SLC13A3: variants seen among roughly 807,000 people sequenced by gnomAD.
The protein encoded by SLC13A3 is solute carrier family 13 member 3.
Under a neutral mutation model 59.0 loss-of-function variants are expected in SLC13A3, and 40 were observed. That is an observed-to-expected ratio of 0.68 (90% CI 0.53 to 0.88). The LOEUF is 0.88. Among genes scored for constraint, SLC13A3 ranks in the 40% least tolerant of loss-of-function variants. SLC13A3 has a pLI of 0.00. For missense variants in SLC13A3, 699 were observed against 783.2 expected (o/e 0.89, Z 1.28); for synonymous variants, 317 against 330.3 (o/e 0.96, Z 0.44).
intron 2 of SLC13A3, among the ~76,000 whole-genome samples, chr20:46,611,644 T>C (rs1364192061): frequency 6.6e-6 from 1 of 152,108 alleles, no homozygotes; most frequent in Non-Finnish European, 1.5e-5. Context: ...CTCAAATCTA[T>C]CCAATCTGTT....
chr20:46,663,257 A>G (rs1223678852), intron 1 of SLC13A3, among the ~76,000 whole-genome samples: 3 of 152,174 alleles, frequency 2.0e-5, no homozygotes, highest in Non-Finnish European at 4.4e-5. Context: ...CAGCCTGGGC[A>G]ACATAGTGAG....
chr20:46,640,245 G>C (rs909536635), intron 1 of SLC13A3, among the ~76,000 whole-genome samples: 17 of 152,270 alleles, frequency 1.1e-4, no homozygotes, highest in African/African-American at 4.1e-4. Context: ...TTCTTGTAGG[G>C]GAGCTGAGTA....
intron 3 of SLC13A3, among the ~76,000 whole-genome samples, chr20:46,600,435 GAAGGAAGGA>G (rs879291545): frequency 2.1e-4 from 31 of 150,488 alleles, no homozygotes; most frequent in Admixed American, 1.1e-3. Context: ...AGGAAGGAAG[GAAGGAAGGA>G]AAAGGAAAGG....
At chr20:46,659,100 C>T (rs185557820) in intron 1 of SLC13A3, among the ~76,000 whole-genome samples, 1 of 152,128 alleles carries the variant, frequency 6.6e-6, no homozygotes, top group East Asian at 1.9e-4. Flanking sequence ...GCTTTTTTAT[C>T]TAGTCTAACA....
intron 1 of SLC13A3, among the ~76,000 whole-genome samples, chr20:46,631,508 AG>A (rs891584672): frequency 3.3e-5 from 5 of 152,166 alleles, no homozygotes; most frequent in African/African-American, 1.2e-4. Flanking sequence ...AGTTGGGAGC[AG>A]GGCTGCCATG....
chr20:46,650,033 C>T (rs2062936800), intron 1 of SLC13A3, among the ~76,000 whole-genome samples: 1 of 152,158 alleles, frequency 6.6e-6, no homozygotes, highest in African/African-American at 2.4e-5. Context: ...TAATACCTCA[C>T]TGAGAGATGG....
chr20:46,613,694 A>G lies in SLC13A3; in HGVS notation c.143T>C (p.Met48Thr), dbSNP rs752502015. 21 of 1,606,352 alleles carry G rather than the reference A, an allele frequency of 1.3e-5. No individual in the cohort carries two copies. The highest frequency in any genetic ancestry group is 1.8e-5 in the Non-Finnish European group (21 of 1,176,092). The part of the protein sequence containing the change: ...EGRCLFVILL[M>T]AVYWCTEALP... The stretch of plus-strand genomic sequence containing the variant: ...GGCCTCCGTGCACCAGTACACCGCC[A>G]TGAGCAGGATGACAAACAAGCAGCG... Residue 48 changes from methionine (M) to threonine (T), a missense_variant, in exon 2 of 13, where the codon ATG becomes ACG. Transcript: ENST00000279027.
At chr20:46,629,571 T>C (rs2062715932) in intron 1 of SLC13A3, among the ~76,000 whole-genome samples, 1 of 152,234 alleles carries the variant, frequency 6.6e-6, no homozygotes, top group Non-Finnish European at 1.5e-5. Flanking sequence ...TTTTCATCCA[T>C]CCTTTCTTAC....
At chr20:46,648,915 T>TCACACACA (rs533558646) in intron 1 of SLC13A3, among the ~76,000 whole-genome samples, 3 of 145,368 alleles carry the variant, frequency 2.1e-5, no homozygotes, top group Admixed American at 6.9e-5. Context: ...TCTCTCTCTC[T>TCACACACA]CACACACACA....
intron 1 of SLC13A3, among the ~76,000 whole-genome samples, chr20:46,661,209 A>AG (rs1187423596): frequency 1.3e-5 from 2 of 152,238 alleles, no homozygotes; most frequent in Non-Finnish European, 2.9e-5. Context: ...TTTGTAAGAA[A>AG]GAACAGTAGA....
chr20:46,574,281 C>T (rs778623777), intron 10 of SLC13A3, among the ~76,000 whole-genome samples: 15 of 152,126 alleles, frequency 9.9e-5, no homozygotes, highest in Non-Finnish European at 1.8e-4. Context: ...AGCTCCCAAG[C>T]GGAATGCAAT....
At position 46,563,311 on chromosome 20, in the gene SLC13A3, G is replaced by T. The variant is rs2061947330; in HGVS notation, c.1632+103C>A. On this transcript the variant is annotated intron_variant, in intron 12 of 12. Coordinates refer to ENST00000279027, the MANE Select transcript of SLC13A3 (RefSeq NM_022829.6). The stretch of plus-strand genomic sequence containing the variant: ...ACTCAGAAAGATCTATTCAGAGACT[G>T]GGGAGTGGGGTCAGCGTGCAGGAGT... 2.9e-5 allele frequency: 38 copies of T among 1,330,072 alleles called. No individual in the cohort carries two copies. The South Asian group carries it at 5.2e-4, about 18-fold the overall frequency. 82.4% of individuals were successfully genotyped at this position (1,330,072 alleles called of 1,614,324 possible).
intron 1 of SLC13A3, among the ~76,000 whole-genome samples, chr20:46,635,492 A>T (rs2062786696): frequency 6.6e-6 from 1 of 151,614 alleles, no homozygotes; most frequent in African/African-American, 2.4e-5. Context: ...CTCAAATGTC[A>T]CCTCCTTTTG....
At chr20:46,562,102 T>C (rs190262276) in intron 12 of SLC13A3, among the ~76,000 whole-genome samples, 42 of 152,168 alleles carry the variant, frequency 2.8e-4, no homozygotes, top group Non-Finnish European at 5.4e-4. Context: ...TTTCTCTAAG[T>C]AGCCTCCCTG....
chr20:46,594,012 G>T (rs1363710960), intron 5 of SLC13A3, among the ~76,000 whole-genome samples: 1 of 151,958 alleles, frequency 6.6e-6, no homozygotes, highest in Non-Finnish European at 1.5e-5. Context: ...AGGGCCAAAG[G>T]ACCACTCAGG....
chr20:46,596,480 C>T, intron 4 of SLC13A3, 138 bp from the exon 5 acceptor site: 2 of 694,090 alleles, frequency 2.9e-6, no homozygotes, highest in South Asian at 1.8e-5. Flanking sequence ...AGGTGCAACT[C>T]TTCAGCTCAG....
chr20:46,663,318 G>A (rs373705602), intron 1 of SLC13A3, among the ~76,000 whole-genome samples: 31 of 151,990 alleles, frequency 2.0e-4, no homozygotes, highest in African/African-American at 5.8e-4. Flanking sequence ...GGTGGTGCAC[G>A]CCTGTAGTCT....
rs764894454 is a variant in SLC13A3, at chr20:46,560,106, G to A, written c.1725C>T (p.Thr575=). ...TWAQTIFQLG[T]FPDWADMYSV... ...AGTACATATCAGCCCAGTCCGGGAAGGTGCCCAGCTGGAAGATGGTCTGTG... is the reference window on the plus strand; with the variant it reads ...AGTACATATCAGCCCAGTCCGGGAAAGTGCCCAGCTGGAAGATGGTCTGTG... The change falls in exon 13 of 13, where the codon ACC becomes ACT. Residue 575 remains threonine (T), a synonymous_variant. Transcript: ENST00000279027. 6.2e-7 allele frequency: 1 copy of A among 1,614,154 alleles called. No homozygotes were observed. Among genetic ancestry groups the A allele is most frequent in the South Asian group, 1.1e-5 (1 of 91,068 alleles).
intron 10 of SLC13A3, among the ~76,000 whole-genome samples, chr20:46,569,105 T>A (rs2062007779): frequency 6.6e-6 from 1 of 152,204 alleles, no homozygotes; most frequent in Admixed American, 6.5e-5. Flanking sequence ...CACCTCAGTG[T>A]CCTGAGTAGC....
Sources: allele counts gnomAD v4.1 joint callset (sites outside exome capture counted in the v4.1 genomes callset), GRCh38; gene constraint gnomAD v4.1.1; transcripts MANE v1.5; gene names NCBI Gene and HGNC (gene_info 2026-07-23, HGNC 2026-07-21).